LHFPL3: variants seen among roughly 807,000 people sequenced by gnomAD.
LHFPL3 encodes the protein LHFPL tetraspan subfamily member 3, also known as LHFPL tetraspan subfamily member 3 protein.
In LHFPL3, 5 loss-of-function variants were observed where a neutral mutation model predicts 19.3. The ratio of observed to expected loss-of-function variants is 0.26; its 90% CI spans 0.14 to 0.54. The LOEUF (loss-of-function observed/expected upper bound fraction) is 0.54. Ranked by LOEUF, LHFPL3 falls within the 20% of genes least tolerant of loss-of-function variation. The probability of loss-of-function intolerance (pLI) is 0.94; values close to 1 mark genes in which losing one functional copy is unlikely to be tolerated. For synonymous variants in LHFPL3, 133 were observed against 126.2 expected, an observed-to-expected ratio of 1.05 and a Z score of -0.36; for missense variants, 249 against 307.4, an observed-to-expected ratio of 0.81 and a Z score of 1.42.
chr7:104,868,798 A>T (rs1791778694), intron 2 of LHFPL3, among the ~76,000 whole-genome samples: 1 of 152,222 alleles, frequency 6.6e-6, no homozygotes. Flanking sequence ...ACAAAACTGG[A>T]GGCATCACGC....
intron 2 of LHFPL3, chr7:104,785,616 A>G (rs1789897210): frequency 6.6e-6 from 1 of 152,146 alleles, no homozygotes; most frequent in South Asian, 2.1e-4. Context: ...TATTCTCCCA[A>G]CCTGCTTTCA....
rs1467476323 is a variant in LHFPL3 at position 104,668,379 on chromosome 7, T to C, written c.446-68296T>C. On this transcript the variant is annotated intron_variant, in intron 1 of 2. Coordinates refer to ENST00000424859, the MANE Select transcript of LHFPL3 (RefSeq NM_199000.3). ...TCCTGCTACAGACACCTTTGATGAC[T>C]ACCCACCTAGAAGAGGTGATGATAG... is the stretch of plus-strand genomic sequence containing the variant. 1.3e-5 allele frequency: 21 copies of C among 1,592,950 alleles called. No individual in the cohort carries two copies. The Admixed American group carries it at 3.5e-4, about 27-fold the overall frequency.
At chr7:104,456,685 A>G (rs527327257) in intron 1 of LHFPL3, among the ~76,000 whole-genome samples, 1 of 152,282 alleles carries the variant, frequency 6.6e-6, no homozygotes, top group Non-Finnish European at 1.5e-5. Flanking sequence ...GCATCACTAC[A>G]CTTGTACTTT....
chr7:104,596,681 C>T (rs1283474314), intron 1 of LHFPL3, among the ~76,000 whole-genome samples: 2 of 152,214 alleles, frequency 1.3e-5, no homozygotes, highest in Non-Finnish European at 2.9e-5. Context: ...TTGGTAGTCA[C>T]AGGATCTACT....
At chr7:104,878,573 G>A (rs1302379806) in intron 2 of LHFPL3, among the ~76,000 whole-genome samples, 1 of 151,982 alleles carries the variant, frequency 6.6e-6, no homozygotes. Flanking sequence ...CCTCTCTTCA[G>A]GCCTCCCTAT....
In LHFPL3 at chr7:104,441,521, T is replaced by A. The variant is rs146865362; in HGVS notation, c.445+112297T>A. Among the ~76,000 whole-genome samples the A allele has an allele frequency of 9.9e-3, 1,502 of 152,308 alleles. 15 individuals carry two copies. Among genetic ancestry groups the A allele is most frequent in the Middle Eastern group, 0.02 (6 of 294 alleles). On this transcript the variant is annotated intron_variant, in intron 1 of 2. Coordinates refer to ENST00000424859, the MANE Select transcript of LHFPL3 (RefSeq NM_199000.3). ...GTTTCCATATCTTAGCTATTGTGAA[T>A]AATGCTGCAATGAACATGGTAGAGA...
At chr7:104,873,083 T>G (rs1791867282) in intron 2 of LHFPL3, among the ~76,000 whole-genome samples, 1 of 152,192 alleles carries the variant, frequency 6.6e-6, no homozygotes, top group Non-Finnish European at 1.5e-5. Flanking sequence ...CAATTTTAAT[T>G]TTATGGGACC....
intron 1 of LHFPL3, among the ~76,000 whole-genome samples, chr7:104,485,957 T>C (rs866876722): frequency 2.0e-5 from 3 of 152,262 alleles, no homozygotes; most frequent in Non-Finnish European, 2.9e-5. Flanking sequence ...CCAAGATGCA[T>C]TGTTTCTTTA....
At chr7:104,530,593 C>T (rs1008315698) in intron 1 of LHFPL3, among the ~76,000 whole-genome samples, 1 of 152,162 alleles carries the variant, frequency 6.6e-6, no homozygotes, top group South Asian at 2.1e-4. Context: ...AAGCTCATAA[C>T]TATTCATTCA....
At chr7:104,822,528 A>C (rs1252434148) in intron 2 of LHFPL3, among the ~76,000 whole-genome samples, 1 of 152,142 alleles carries the variant, frequency 6.6e-6, no homozygotes, top group Non-Finnish European at 1.5e-5. Flanking sequence ...GCCTCCCCCT[A>C]CTAGAAGCCA....
At chr7:104,601,063 C>G (rs1790955384) in intron 1 of LHFPL3, among the ~76,000 whole-genome samples, 4 of 152,198 alleles carry the variant, frequency 2.6e-5, no homozygotes, top group South Asian at 4.1e-4. Context: ...AATGCTCTTT[C>G]CGTTAAGCCA....
At chr7:104,828,286 C>G (rs1413379051) in intron 2 of LHFPL3, among the ~76,000 whole-genome samples, 1 of 151,928 alleles carries the variant, frequency 6.6e-6, no homozygotes, top group African/African-American at 2.4e-5. Context: ...AGAGGCAGGG[C>G]TCCTGAGTCT....
At chr7:104,564,853 G>C (rs975009661) in intron 1 of LHFPL3, among the ~76,000 whole-genome samples, 2 of 152,188 alleles carry the variant, frequency 1.3e-5, no homozygotes, top group Non-Finnish European at 2.9e-5. Flanking sequence ...TTCACATGGG[G>C]TTGAGAGACT....
At chr7:104,367,552 T>G (rs1348192915) in intron 1 of LHFPL3, among the ~76,000 whole-genome samples, 1 of 152,212 alleles carries the variant, frequency 6.6e-6, no homozygotes, top group Non-Finnish European at 1.5e-5. Context: ...GATCGTCAGA[T>G]GTTAAGCAGA....
At chr7:104,545,644 A>T (rs1221001179) in intron 1 of LHFPL3, among the ~76,000 whole-genome samples, 7 of 152,162 alleles carry the variant, frequency 4.6e-5, no homozygotes, top group African/African-American at 1.7e-4. Context: ...CTCCTCTTCA[A>T]TTGCTATGTG....
intron 1 of LHFPL3, among the ~76,000 whole-genome samples, chr7:104,667,387 A>G (rs1278616621): frequency 6.6e-6 from 1 of 152,168 alleles, no homozygotes; most frequent in African/African-American, 2.4e-5. Flanking sequence ...TGCCTGTATT[A>G]AGCATCACAT....
At chr7:104,649,993 T>C (rs1233317057) in intron 1 of LHFPL3, among the ~76,000 whole-genome samples, 2 of 152,180 alleles carry the variant, frequency 1.3e-5, no homozygotes, top group African/African-American at 4.8e-5. Context: ...ATCAGCCCAT[T>C]GCAGATTAAG....
chr7:104,891,781 T>A (rs1351706405), intron 2 of LHFPL3, among the ~76,000 whole-genome samples: 1 of 152,188 alleles, frequency 6.6e-6, no homozygotes, highest in Non-Finnish European at 1.5e-5. Flanking sequence ...AGGAGCATTA[T>A]TTGGCTCTCC....
chr7:104,558,270 G>C (rs1381882149), intron 1 of LHFPL3, among the ~76,000 whole-genome samples: 1 of 150,386 alleles, frequency 6.6e-6, no homozygotes, highest in Non-Finnish European at 1.5e-5. Context: ...TTCCACAATG[G>C]TTGAACTAGT....
Sources: gnomAD v4.1 joint callset for allele counts (sites outside exome capture counted in the v4.1 genomes callset) on GRCh38, gnomAD v4.1.1 for gene constraint, MANE v1.5 for transcripts, NCBI Gene and HGNC (gene_info 2026-07-23, HGNC 2026-07-21) for gene names.